Variants in LSM12 observed in about 807,000 individuals in gnomAD.
LSM12 encodes LSM12 homolog, also known as protein LSM12.
For missense variants in LSM12, 108 were observed against 238.9 expected (o/e 0.45, Z 3.61); for synonymous variants, 74 against 87.3 (o/e 0.85, Z 0.85).
intron 2 of LSM12, among the ~76,000 whole-genome samples, chr17:44,062,727 T>C (rs187522145): frequency 6.9e-4 from 104 of 151,660 alleles, no homozygotes; most frequent in African/African-American, 2.2e-3. Context: ...TCTCTACTAA[T>C]AATACAAAAA....
intron 2 of LSM12, among the ~76,000 whole-genome samples, chr17:44,041,286 A>ACACAC (rs1555623711): frequency 5.3e-5 from 6 of 113,552 alleles, no homozygotes; most frequent in Non-Finnish European, 1.0e-4. Flanking sequence ...AAAAAAAAAA[A>ACACAC]ACAAACACAC....
chr17:44,041,043 G>A (rs1285634325), intron 2 of LSM12, among the ~76,000 whole-genome samples: 2 of 137,836 alleles, frequency 1.5e-5, no homozygotes, highest in Middle Eastern at 6.5e-3. Flanking sequence ...ACTTCTAACT[G>A]GGTGCATCAC....
In LSM12 at chr17:44,046,529, A is replaced by G. The variant is rs1262294999; in HGVS notation, c.259-6273T>C. Among the ~76,000 whole-genome samples, 5 of 150,246 alleles carry G rather than the reference A, an allele frequency of 3.3e-5. No homozygotes were observed. The South Asian group carries it at 1.1e-3, about 32-fold the overall frequency. ...GAGACCATCCTGGCTAACACGGTGAAACCCCGTCTCTACTAAAAATGCAAA... is the reference window on the plus strand; with the variant it reads ...GAGACCATCCTGGCTAACACGGTGAGACCCCGTCTCTACTAAAAATGCAAA... On this transcript the variant is annotated intron_variant, in intron 2 of 4. Coordinates refer to ENST00000293406, the MANE Select transcript of LSM12 (RefSeq NM_001371445.1).
chr17:44,038,528 G>A (rs565062355), intron 3 of LSM12, among the ~76,000 whole-genome samples: 71 of 152,138 alleles, frequency 4.7e-4, no homozygotes, highest in African/African-American at 1.5e-3. Flanking sequence ...GGGACTGCGC[G>A]CCTGTAGTCC....
At chr17:44,062,723 C>T (rs1157018744) in intron 2 of LSM12, among the ~76,000 whole-genome samples, 4 of 152,084 alleles carry the variant, frequency 2.6e-5, no homozygotes, top group Admixed American at 1.3e-4. Context: ...CCCATCTCTA[C>T]TAATAATACA....
chr17:44,050,746 CCT>C (rs2049632568), intron 2 of LSM12, among the ~76,000 whole-genome samples: 1 of 152,074 alleles, frequency 6.6e-6, no homozygotes, highest in Non-Finnish European at 1.5e-5. Context: ...GTCTCGAACC[CCT>C]GACCGCAAGT....
chr17:44,065,709 C>A (rs1253439905), intron 1 of LSM12, among the ~76,000 whole-genome samples: 1 of 152,132 alleles, frequency 6.6e-6, no homozygotes, highest in Admixed American at 6.6e-5. Context: ...CTGGACTGAT[C>A]AAGGCAGCAT....
chr17:44,040,315 G>T, intron 2 of LSM12, 59 bp from the exon 3 acceptor site: 2 of 1,296,406 alleles, frequency 1.5e-6, no homozygotes, highest in Non-Finnish European at 2.2e-6. Flanking sequence ...CTTGCCAACA[G>T]TCAGGACCTA....
chr17:44,060,665 C>T (rs1368857951), intron 2 of LSM12, among the ~76,000 whole-genome samples: 2 of 152,206 alleles, frequency 1.3e-5, no homozygotes, highest in Non-Finnish European at 2.9e-5. Context: ...TGGTGTTCCC[C>T]AAGCTATTAC....
At chr17:44,054,728 G>A (rs1051539053) in intron 2 of LSM12, among the ~76,000 whole-genome samples, 3 of 152,128 alleles carry the variant, frequency 2.0e-5, no homozygotes, top group Admixed American at 6.6e-5. Context: ...TCTCCCACCT[G>A]TATCTTCCTG....
chr17:44,047,878 CG>C (rs1459942978), intron 2 of LSM12, among the ~76,000 whole-genome samples: 1 of 151,934 alleles, frequency 6.6e-6, no homozygotes, highest in Admixed American at 6.6e-5. Context: ...CCACCAAGCC[CG>C]GGCTGCCTTA....
intron 2 of LSM12, among the ~76,000 whole-genome samples, chr17:44,040,845 C>A (rs1251020219): frequency 6.7e-6 from 1 of 149,848 alleles, no homozygotes; most frequent in Non-Finnish European, 1.5e-5. Flanking sequence ...ATTAGCCAGG[C>A]GTGGTGGCGG....
intron 4 of LSM12, 57 bp from the exon 5 acceptor site, chr17:44,036,357 A>C: frequency 1.2e-6 from 2 of 1,608,624 alleles, no homozygotes; most frequent in Non-Finnish European, 1.7e-6. Flanking sequence ...AAGGTCTCCC[A>C]AACAATCCAA....
intron 2 of LSM12, among the ~76,000 whole-genome samples, chr17:44,056,119 A>G (rs1378613749): frequency 1.3e-5 from 2 of 151,644 alleles, no homozygotes; most frequent in African/African-American, 4.8e-5. Flanking sequence ...AATACAAAAA[A>G]AAAATTAGCC....
intron 2 of LSM12, among the ~76,000 whole-genome samples, chr17:44,061,687 A>G (rs1466495461): frequency 3.9e-5 from 6 of 152,208 alleles, no homozygotes; most frequent in Admixed American, 3.3e-4. Flanking sequence ...AACACACCAC[A>G]TTCCCAAGAG....
At chr17:44,066,788 T>A (rs1263063916), upstream of LSM12, 11 of 564,494 alleles carry the variant, frequency 1.9e-5, no homozygotes, top group East Asian at 5.0e-4. Context: ...AGTATTTGTA[T>A]AGCTGCGTCC....
chr17:44,041,273 TAAA>T (rs11302122), intron 2 of LSM12, among the ~76,000 whole-genome samples: 2,914 of 110,028 alleles, frequency 0.026, 49 homozygotes, highest in Non-Finnish European at 0.039. Context: ...TCTGTCTCTT[TAAA>T]AAAAAAAAAA....
chr17:44,043,482 T>C (rs553958852), intron 2 of LSM12, among the ~76,000 whole-genome samples: 1 of 152,184 alleles, frequency 6.6e-6, no homozygotes, highest in South Asian at 2.1e-4. Context: ...TGATGATGTA[T>C]TTTAAGCAGC....
At chr17:44,053,629 C>G (rs1186799756) in intron 2 of LSM12, among the ~76,000 whole-genome samples, 1 of 152,268 alleles carries the variant, frequency 6.6e-6, no homozygotes, top group African/African-American at 2.4e-5. Flanking sequence ...ATTCAGAGGA[C>G]CAATCACAAA....
Sources: allele counts gnomAD v4.1 joint callset (sites outside exome capture counted in the v4.1 genomes callset), GRCh38; gene constraint gnomAD v4.1.1; transcripts MANE v1.5; gene names NCBI Gene and HGNC (gene_info 2026-07-23, HGNC 2026-07-21).